SLC35F4: variants seen among roughly 807,000 people sequenced by gnomAD.
SLC35F4 encodes solute carrier family 35 member F4, also known as chromosome 14 open reading frame 36.
SLC35F4 carries 24 observed loss-of-function variants against 44.2 expected under a neutral mutation model. The ratio of observed to expected loss-of-function variants is 0.54; its 90% CI spans 0.39 to 0.76. SLC35F4 has a LOEUF of 0.76. Among genes scored for constraint, SLC35F4 ranks in the 30% least tolerant of loss-of-function variants. The pLI is 0.00. For synonymous variants in SLC35F4, 238 were observed against 223.6 expected (o/e 1.06, Z -0.57); for missense variants, 562 against 586.1 (o/e 0.96, Z 0.42).
At chr14:57,882,172 G>C (rs1440040087) in intron 1 of SLC35F4, among the ~76,000 whole-genome samples, 1 of 152,060 alleles carries the variant, frequency 6.6e-6, no homozygotes, top group Non-Finnish European at 1.5e-5. Flanking sequence ...GCTTCCTCCT[G>C]GATCCATCCC....
At chr14:57,581,784 A>C (rs1033392817) in intron 3 of SLC35F4, among the ~76,000 whole-genome samples, 4 of 152,234 alleles carry the variant, frequency 2.6e-5, no homozygotes, top group African/African-American at 9.6e-5. Context: ...GGGTGGGCAA[A>C]CGAGAGAGGG....
At chr14:57,932,773 C>T (rs965351229) in intron 1 of SLC35F4, among the ~76,000 whole-genome samples, 1 of 151,968 alleles carries the variant, frequency 6.6e-6, no homozygotes, top group Non-Finnish European at 1.5e-5. Flanking sequence ...TGCTTGAATC[C>T]AGGGGGCAGA....
chr14:57,702,869 G>A (rs1210505961), intron 1 of SLC35F4, among the ~76,000 whole-genome samples: 1 of 152,128 alleles, frequency 6.6e-6, no homozygotes, highest in African/African-American at 2.4e-5. Flanking sequence ...TAAAATAAAG[G>A]CAGTGGACAG....
intron 1 of SLC35F4, among the ~76,000 whole-genome samples, chr14:57,720,526 G>A (rs2076057239): frequency 1.3e-5 from 2 of 152,140 alleles, no homozygotes; most frequent in Non-Finnish European, 2.9e-5. Flanking sequence ...ATTGGTATAA[G>A]GTTCTGGATT....
chr14:57,634,517 G>A (rs1017250478), intron 1 of SLC35F4, among the ~76,000 whole-genome samples: 1 of 152,088 alleles, frequency 6.6e-6, no homozygotes, highest in African/African-American at 2.4e-5. Flanking sequence ...GGTGGAGTAT[G>A]GCAGGTGGCA....
At chr14:57,777,710 C>T (rs534154493) in intron 1 of SLC35F4, among the ~76,000 whole-genome samples, 1 of 152,032 alleles carries the variant, frequency 6.6e-6, no homozygotes, top group African/African-American at 2.4e-5. Context: ...AGCAAACCAA[C>T]ATGGCACATG....
At chr14:57,718,514 C>T (rs1471401224) in intron 1 of SLC35F4, among the ~76,000 whole-genome samples, 5 of 152,124 alleles carry the variant, frequency 3.3e-5, no homozygotes, top group Non-Finnish European at 5.9e-5. Context: ...TTTGTTACTG[C>T]TTGACTCTTG....
At chr14:57,716,100 G>A (rs2075933027) in intron 1 of SLC35F4, among the ~76,000 whole-genome samples, 1 of 152,184 alleles carries the variant, frequency 6.6e-6, no homozygotes, top group Non-Finnish European at 1.5e-5. Context: ...TCAGGAGAGA[G>A]GAATGGTGAA....
intron 1 of SLC35F4, among the ~76,000 whole-genome samples, chr14:57,653,063 C>T (rs564680498): frequency 4.6e-4 from 70 of 152,272 alleles, no homozygotes; most frequent in African/African-American, 1.6e-3. Flanking sequence ...GAAGCCTTTG[C>T]CTTCAATGTA....
chr14:57,849,264 C>A (rs1459483276), intron 1 of SLC35F4, among the ~76,000 whole-genome samples: 1 of 152,196 alleles, frequency 6.6e-6, no homozygotes, highest in East Asian at 1.9e-4. Context: ...TGGGTTCAAG[C>A]GATCCTGCTG....
At chr14:57,833,795 C>T (rs1048191367) in intron 1 of SLC35F4, among the ~76,000 whole-genome samples, 2 of 152,220 alleles carry the variant, frequency 1.3e-5, no homozygotes, top group African/African-American at 4.8e-5. Context: ...GAGACTGCAA[C>T]TTTAGTGCAT....
chr14:57,905,484 T>C (rs748763748), intron 1 of SLC35F4, among the ~76,000 whole-genome samples: 47 of 152,356 alleles, frequency 3.1e-4, no homozygotes, highest in Non-Finnish European at 5.4e-4. Flanking sequence ...TCTTGGAGGC[T>C]GGTTACCTCA....
chr14:57,601,469 C>A (rs762329750), intron 1 of SLC35F4, among the ~76,000 whole-genome samples: 1 of 152,146 alleles, frequency 6.6e-6, no homozygotes, highest in East Asian at 1.9e-4. Flanking sequence ...TTCCCCCCTC[C>A]TCCCTCTAGT....
At chr14:57,975,171 T>C (rs1881178987), downstream of SLC35F4, among the ~76,000 whole-genome samples, 1 of 152,232 alleles carries the variant, frequency 6.6e-6, no homozygotes, top group African/African-American at 2.4e-5. Context: ...TTGGTAACAC[T>C]GACCACTTTT....
At position 57,589,273 on chromosome 14, in the gene SLC35F4, T is replaced by C. The variant is rs1566653343; in HGVS notation, c.530A>G (p.Tyr177Cys). 2 of 1,613,956 alleles carry C rather than the reference T, an allele frequency of 1.2e-6. No individual in the cohort carries two copies. Among genetic ancestry groups the C allele is most frequent in the Non-Finnish European group, 1.7e-6 (2 of 1,179,878 alleles). ...TNWNIMFFPV[Y>C]YSGHLATAQE... ...AGCAGTGGCTAGATGACCAGAATAATAGACTGGGAAAAACATAATGTTCCA... is the reference window on the plus strand; with the variant it reads ...AGCAGTGGCTAGATGACCAGAATAACAGACTGGGAAAAACATAATGTTCCA... The change falls in exon 3 of 8, where the codon TAT (tyrosine) becomes TGT (cysteine). Residue 177 changes from tyrosine to cysteine, a missense_variant. Physicochemically the swap from Tyr to Cys is radical, Grantham distance 194. Transcript: ENST00000556826.
At chr14:57,829,329 G>A (rs1436815882) in intron 1 of SLC35F4, among the ~76,000 whole-genome samples, 1 of 152,204 alleles carries the variant, frequency 6.6e-6, no homozygotes, top group South Asian at 2.1e-4. Flanking sequence ...GGTCGTGGGG[G>A]AAGGGAACTA....
At chr14:57,948,578 T>G (rs2141078593) in intron 1 of SLC35F4, among the ~76,000 whole-genome samples, 1 of 152,274 alleles carries the variant, frequency 6.6e-6, no homozygotes, top group South Asian at 2.1e-4. Flanking sequence ...CTGCTGATTT[T>G]GGGTTTGATT....
chr14:57,565,390 C>A (rs2068156700), intron 7 of SLC35F4, among the ~76,000 whole-genome samples: 1 of 152,220 alleles, frequency 6.6e-6, no homozygotes, highest in African/African-American at 2.4e-5. Flanking sequence ...GGATGCTCCT[C>A]CTATGCGCCC....
At chr14:57,670,136 C>G (rs1178084442) in intron 1 of SLC35F4, among the ~76,000 whole-genome samples, 1 of 152,142 alleles carries the variant, frequency 6.6e-6, no homozygotes, top group Non-Finnish European at 1.5e-5. Context: ...TTATAGTATT[C>G]TCTGATGATA....
Sources: allele counts gnomAD v4.1 joint callset (sites outside exome capture counted in the v4.1 genomes callset), GRCh38; gene constraint gnomAD v4.1.1; transcripts MANE v1.5; gene names NCBI Gene and HGNC (gene_info 2026-07-23, HGNC 2026-07-21).